The following PPIP5K2 variants were observed in gnomAD, a reference collection of about 807,000 sequenced individuals.
PPIP5K2 encodes the protein diphosphoinositol pentakisphosphate kinase 2, also known as inositol hexakisphosphate and diphosphoinositol-pentakisphosphate kinase 2.
Under a neutral mutation model 154.6 loss-of-function variants are expected in PPIP5K2, and 105 were observed. The ratio of observed to expected loss-of-function variants is 0.68; its 90% CI spans 0.58 to 0.80. The LOEUF (loss-of-function observed/expected upper bound fraction) is 0.80, where lower values mean the gene tolerates loss of function less well. Ranked by LOEUF, PPIP5K2 falls within the 30% of genes least tolerant of loss-of-function variation. The probability of loss-of-function intolerance (pLI) is 0.00; values close to 1 mark genes in which losing one functional copy is unlikely to be tolerated. For missense variants in PPIP5K2, 992 were observed against 1,504.6 expected (o/e 0.66, Z 5.64); for synonymous variants, 480 against 490.3 (o/e 0.98, Z 0.28).
intron 9 of PPIP5K2, among the ~76,000 whole-genome samples, chr5:103,152,033 CCCTTAT>C (rs1455095409): frequency 6.6e-6 from 1 of 151,900 alleles, no homozygotes; most frequent in Non-Finnish European, 1.5e-5. Flanking sequence ...GGTTAAGTAT[CCCTTAT>C]CCAAAATGCA....
chr5:103,165,436 T>C (rs1025163081), intron 17 of PPIP5K2, among the ~76,000 whole-genome samples: 8 of 151,450 alleles, frequency 5.3e-5, no homozygotes, highest in Admixed American at 2.0e-4. Context: ...GAAAAAACTA[T>C]ACACAAATTT....
chr5:103,182,243 C>G (rs1562486446), intron 24 of PPIP5K2, among the ~76,000 whole-genome samples: 3 of 152,100 alleles, frequency 2.0e-5, no homozygotes, highest in African/African-American at 4.8e-5. Context: ...ACACTGAATA[C>G]AGCAAAATGT....
At chr5:103,164,911 C>G (rs929121484) in intron 17 of PPIP5K2, among the ~76,000 whole-genome samples, 3 of 152,048 alleles carry the variant, frequency 2.0e-5, no homozygotes, top group African/African-American at 7.2e-5. Flanking sequence ...ATTACAAAGG[C>G]ATAACAGGAT....
At position 103,201,917 on chromosome 5, in the gene PPIP5K2, G is replaced by T. The variant is rs1554230671; in HGVS notation, c.*283G>T. The T allele has an allele frequency of 6.5e-6, 2 of 307,410 alleles. No individual in the cohort carries two copies. Among genetic ancestry groups the T allele is most frequent in the Non-Finnish European group, 1.2e-5 (2 of 165,784 alleles). The allele number at this position is 307,410 out of a possible 1,614,324, so 19.0% of individuals were successfully genotyped here. ...AGGAACATAAAAGCCCAGCAGGCTC[G>T]TACCAAAGTCACAGCAGTAATGCTA... On this transcript the variant is annotated 3_prime_UTR_variant, in exon 31 of 31. Coordinates refer to ENST00000358359, the MANE Select transcript of PPIP5K2 (RefSeq NM_001276277.3).
At chr5:103,178,004 G>A in intron 23 of PPIP5K2, 24 bp downstream of exon 23, 5 of 1,371,136 alleles carry the variant, frequency 3.6e-6, no homozygotes, top group Non-Finnish European at 5.2e-6. Context: ...AACTCTCAGT[G>A]CTTAGTTACT....
chr5:103,204,663 A>G lies in PPIP5K2; in HGVS notation c.*3029A>G, dbSNP rs1321023478. The G allele has an allele frequency of 2.0e-5, 3 of 152,186 alleles. No individual in the cohort carries two copies. The highest frequency in any genetic ancestry group is 4.4e-5 in the Non-Finnish European group (3 of 68,034). 9.4% of individuals were successfully genotyped at this position (152,186 alleles called of 1,614,324 possible). A position where few individuals can be genotyped will look rare whatever the true frequency, so the allele number is the denominator to read the frequency against. ...AAGGAGTCATTTGTGATTGGAGTCCACATAGAAACAGGTTTCCCTCTGTAC... is the reference window on the plus strand; with the variant it reads ...AAGGAGTCATTTGTGATTGGAGTCCGCATAGAAACAGGTTTCCCTCTGTAC... On this transcript the variant is annotated 3_prime_UTR_variant, in exon 31 of 31. Transcript: ENST00000358359.
intron 14 of PPIP5K2, among the ~76,000 whole-genome samples, chr5:103,157,271 C>T (rs782348989): frequency 3.3e-5 from 5 of 151,958 alleles, no homozygotes; most frequent in Non-Finnish European, 5.9e-5. Flanking sequence ...TACAGAAACT[C>T]ATTAACTTAT....
At chr5:103,183,213 T>TTTTG in intron 24 of PPIP5K2, 21 bp from the exon 25 acceptor site, 4 of 465,800 alleles carry the variant, frequency 8.6e-6, no homozygotes, top group Non-Finnish European at 1.3e-5. Context: ...TTTTTTTTTT[T>TTTTG]GCCCCCTTTC....
chr5:103,176,813 A>T (rs1057431959), intron 21 of PPIP5K2: 4 of 1,086,588 alleles, frequency 3.7e-6, no homozygotes, highest in Non-Finnish European at 5.2e-6. Context: ...CTTGTAGTAC[A>T]TGTTCTCTAA....
At chr5:103,185,358 A>G (rs1240904574) in intron 26 of PPIP5K2, among the ~76,000 whole-genome samples, 2 of 152,108 alleles carry the variant, frequency 1.3e-5, no homozygotes, top group Non-Finnish European at 2.9e-5. Flanking sequence ...TATTTTCTGT[A>G]AATAGTTGTC....
At chr5:103,177,411 G>C (rs1216361185) in intron 21 of PPIP5K2, among the ~76,000 whole-genome samples, 2 of 151,912 alleles carry the variant, frequency 1.3e-5, no homozygotes, top group East Asian at 1.9e-4. Context: ...TTGAATTTTG[G>C]AGGGTTTTGG....
chr5:103,164,324 G>T (rs1320106880), intron 17 of PPIP5K2, among the ~76,000 whole-genome samples: 1 of 151,580 alleles, frequency 6.6e-6, no homozygotes, highest in Non-Finnish European at 1.5e-5. Flanking sequence ...GATTTGTTAG[G>T]TCTCTGAATT....
chr5:103,182,025 GA>G (rs1349356653), intron 24 of PPIP5K2, among the ~76,000 whole-genome samples: 1 of 151,984 alleles, frequency 6.6e-6, no homozygotes, highest in East Asian at 1.9e-4. Context: ...TAACTTAATG[GA>G]AAAAATGAAA....
chr5:103,182,275 A>AAATGTATTGTAAGT (rs1799661768), intron 24 of PPIP5K2, among the ~76,000 whole-genome samples: 1 of 152,172 alleles, frequency 6.6e-6, no homozygotes, highest in Non-Finnish European at 1.5e-5. Context: ...TCATTTTGCA[A>AAATGTATTGTAAGT]CTCATCTATA....
intron 5 of PPIP5K2, among the ~76,000 whole-genome samples, chr5:103,145,266 T>C (rs1484201727): frequency 2.6e-5 from 4 of 151,944 alleles, no homozygotes; most frequent in Non-Finnish European, 5.9e-5. Context: ...GAAATGTTTG[T>C]GAGGATGTGG....
At chr5:103,130,868 A>G (rs1554202448) in intron 2 of PPIP5K2, among the ~76,000 whole-genome samples, 1 of 152,170 alleles carries the variant, frequency 6.6e-6, no homozygotes, top group African/African-American at 2.4e-5. Flanking sequence ...GGCTTCTTAC[A>G]TGTAAAGGCT....
At chr5:103,133,679 TA>T in intron 3 of PPIP5K2, 31 bp downstream of exon 3, 1 of 1,499,172 alleles carries the variant, frequency 6.7e-7, no homozygotes, top group Non-Finnish European at 8.9e-7. Context: ...GAAACTCCTT[TA>T]TCCTCTCTGT....
intron 21 of PPIP5K2, among the ~76,000 whole-genome samples, chr5:103,175,866 G>C (rs1344078707): frequency 6.6e-6 from 1 of 152,028 alleles, no homozygotes; most frequent in Non-Finnish European, 1.5e-5. Flanking sequence ...TTAAAAATCA[G>C]TGCTTCCAGG....
rs145462262 is a variant in PPIP5K2 at position 103,190,052 on chromosome 5, T to C, written c.3353-790T>C. On this transcript the variant is annotated intron_variant, in intron 28 of 30. Coordinates refer to ENST00000358359, the MANE Select transcript of PPIP5K2 (RefSeq NM_001276277.3). ...GTTTAAATAAACAGGCAATTTTCTT[T>C]TTTAAAAAAGTGAATAACCTATATC... is the stretch of plus-strand genomic sequence containing the variant. 6.7e-3 allele frequency among the ~76,000 whole-genome samples: 1,024 copies of C among 152,176 alleles called. 7 individuals are homozygous for C. Among genetic ancestry groups the C allele is most frequent in the Non-Finnish European group, 0.013 (852 of 67,922 alleles).
Sources: allele counts gnomAD v4.1 joint callset (sites outside exome capture counted in the v4.1 genomes callset), GRCh38; gene constraint gnomAD v4.1.1; transcripts MANE v1.5; gene names NCBI Gene and HGNC (gene_info 2026-07-23, HGNC 2026-07-21).